Variants in ESF1 observed in about 807,000 individuals in gnomAD.
ESF1 encodes ESF1 nucleolar pre-rRNA processing protein.
A neutral mutation model predicts 92.0 loss-of-function variants in ESF1; 58 were observed. That is an observed-to-expected ratio of 0.63 (90% CI 0.51 to 0.78). The LOEUF (loss-of-function observed/expected upper bound fraction) is 0.78. Ranked by LOEUF, ESF1 falls within the 30% of genes least tolerant of loss-of-function variation. The pLI is 0.00. For synonymous variants in ESF1, 321 were observed against 313.7 expected, an observed-to-expected ratio of 1.02 and a Z score of -0.24; for missense variants, 922 against 989.1, an observed-to-expected ratio of 0.93 and a Z score of 0.91.
At chr20:13,763,899 T>C (rs1979315098) in intron 8 of ESF1, among the ~76,000 whole-genome samples, 1 of 152,200 alleles carries the variant, frequency 6.6e-6, no homozygotes, top group Non-Finnish European at 1.5e-5. Flanking sequence ...ACCAGAATGA[T>C]TAAACATGAT....
chr20:13,714,670 C>T lies in ESF1; in HGVS notation c.*204G>A. ...TATAATGCAGGTAATTTAATTATGA[C>T]TGATCTGTAGGAATATACAATAAAA... On this transcript the variant is annotated 3_prime_UTR_variant, in exon 14 of 14. Coordinates refer to ENST00000617257, the MANE Select transcript of ESF1 (RefSeq NM_001276380.2). 1 of 470,840 alleles carries T rather than the reference C, an allele frequency of 2.1e-6. No homozygotes were observed. The allele number at this position is 470,840 out of a possible 1,614,324, so 29.2% of individuals were successfully genotyped here. A position where few individuals can be genotyped will look rare whatever the true frequency, so the allele number is the denominator to read the frequency against.
intron 9 of ESF1, among the ~76,000 whole-genome samples, chr20:13,754,401 C>A (rs986570313): frequency 6.6e-6 from 1 of 152,106 alleles, no homozygotes; most frequent in African/African-American, 2.4e-5. Context: ...AGCTTTTGAA[C>A]CTTTCTTTTT....
intron 11 of ESF1, among the ~76,000 whole-genome samples, chr20:13,725,820 A>T (rs1600266710): frequency 6.6e-6 from 1 of 152,196 alleles, no homozygotes; most frequent in Non-Finnish European, 1.5e-5. Context: ...TCTCAGACTT[A>T]TATCTCAATA....
chr20:13,749,132 C>G (rs6033814), intron 9 of ESF1, among the ~76,000 whole-genome samples: 2 of 151,422 alleles, frequency 1.3e-5, no homozygotes. Context: ...ACGGCATGAT[C>G]TCAGCTCACT....
chr20:13,724,606 G>C (rs996143144), intron 11 of ESF1, among the ~76,000 whole-genome samples: 2 of 152,158 alleles, frequency 1.3e-5, no homozygotes, highest in Non-Finnish European at 2.9e-5. Context: ...AAAAGGTTCA[G>C]AATTGAGTAA....
rs774330550 is a variant in ESF1, at chr20:13,784,811, G to A, written c.-44+69C>T. On this transcript the variant is annotated intron_variant, in intron 1 of 13. Transcript: ENST00000617257. ...CCTGTTAGAGACTAGTTTTTTCCCC[G>A]CGCCACACACACACACGCCCTCAAG... 77 of 541,826 alleles carry A rather than the reference G, an allele frequency of 1.4e-4. 1 individual carries two copies. In the Middle Eastern group the frequency reaches 3.5e-3, roughly 25 times the overall value. 33.6% of individuals were successfully genotyped at this position (541,826 alleles called of 1,614,324 possible). A position where few individuals can be genotyped will look rare whatever the true frequency, so the allele number is the denominator to read the frequency against.
intron 11 of ESF1, among the ~76,000 whole-genome samples, chr20:13,725,785 T>C (rs1319818144): frequency 6.6e-6 from 1 of 152,222 alleles, no homozygotes; most frequent in Non-Finnish European, 1.5e-5. Context: ...AACTCTATAT[T>C]TGTACTCTGA....
chr20:13,768,582 C>CA (rs1457867443), intron 7 of ESF1, among the ~76,000 whole-genome samples: 2 of 140,546 alleles, frequency 1.4e-5, no homozygotes, highest in East Asian at 5.0e-4. Context: ...ACTCAGTCTC[C>CA]AAAAAAAGCA....
chr20:13,783,983 A>T (rs1980449524), intron 1 of ESF1, among the ~76,000 whole-genome samples: 1 of 152,258 alleles, frequency 6.6e-6, no homozygotes, highest in Non-Finnish European at 1.5e-5. Flanking sequence ...ACTCAGGTTT[A>T]GCTAAGAAAG....
chr20:13,768,792 G>A (rs1979546458), intron 7 of ESF1, among the ~76,000 whole-genome samples: 1 of 150,984 alleles, frequency 6.6e-6, no homozygotes, highest in African/African-American at 2.4e-5. Context: ...AGCTACCGGG[G>A]AGGCTGTGGC....
chr20:13,768,428 C>G (rs563155439), intron 7 of ESF1, among the ~76,000 whole-genome samples: 27 of 152,056 alleles, frequency 1.8e-4, no homozygotes, highest in African/African-American at 6.5e-4. Context: ...ACTAAATATA[C>G]AAAATTAGCT....
At chr20:13,764,930 AC>A (rs1036727783) in intron 8 of ESF1, among the ~76,000 whole-genome samples, 4 of 150,710 alleles carry the variant, frequency 2.7e-5, no homozygotes, top group Admixed American at 6.6e-5. Flanking sequence ...AAAAAAAAAA[AC>A]AAAAACAAAG....
chr20:13,730,718 T>TA (rs2049937279), intron 10 of ESF1, among the ~76,000 whole-genome samples: 1 of 151,828 alleles, frequency 6.6e-6, no homozygotes, highest in East Asian at 1.9e-4. Context: ...TTTTTTTTTT[T>TA]ACCAAACTAT....
intron 2 of ESF1, among the ~76,000 whole-genome samples, chr20:13,781,320 T>C (rs1028502978): frequency 6.6e-6 from 1 of 152,220 alleles, no homozygotes; most frequent in Admixed American, 6.5e-5. Context: ...AAAATATACA[T>C]TGACTTTTAT....
intron 9 of ESF1, among the ~76,000 whole-genome samples, chr20:13,748,485 C>T (rs74179715): frequency 0.069 from 8,046 of 116,812 alleles, 331 homozygotes; most frequent in Non-Finnish European, 0.085. Context: ...TACACATATA[C>T]ACATATATAT....
At chr20:13,717,152 C>T (rs1464923929) in intron 13 of ESF1, among the ~76,000 whole-genome samples, 1 of 151,890 alleles carries the variant, frequency 6.6e-6, no homozygotes, top group Non-Finnish European at 1.5e-5. Context: ...AGATGAGGGT[C>T]CCACTATGTT....
intron 2 of ESF1, among the ~76,000 whole-genome samples, chr20:13,776,598 G>A (rs915687099): frequency 3.3e-5 from 5 of 152,122 alleles, no homozygotes; most frequent in Non-Finnish European, 7.4e-5. Flanking sequence ...ACAACAGTTG[G>A]TAAAAGAGAA....
At chr20:13,728,829 T>G (rs1051245582) in intron 10 of ESF1, among the ~76,000 whole-genome samples, 1 of 150,900 alleles carries the variant, frequency 6.6e-6, no homozygotes, top group Non-Finnish European at 1.5e-5. Flanking sequence ...ATCGTGCCAC[T>G]GCACTCCAGC....
chr20:13,722,095 T>C (rs1197161260), intron 11 of ESF1, among the ~76,000 whole-genome samples: 3 of 152,066 alleles, frequency 2.0e-5, no homozygotes, highest in African/African-American at 7.2e-5. Flanking sequence ...AGACTGTATA[T>C]AATTAATATT....
Sources: gnomAD v4.1 joint callset for allele counts (sites outside exome capture counted in the v4.1 genomes callset) on GRCh38, gnomAD v4.1.1 for gene constraint, MANE v1.5 for transcripts, NCBI Gene and HGNC (gene_info 2026-07-23, HGNC 2026-07-21) for gene names.